Variants in SBNO2 observed in about 807,000 individuals in gnomAD.
SBNO2 encodes strawberry notch homolog 2.
In SBNO2, 89 loss-of-function variants were observed where a neutral mutation model predicts 146.3. The ratio of observed to expected loss-of-function variants is 0.61; its 90% CI spans 0.51 to 0.73. The LOEUF (loss-of-function observed/expected upper bound fraction) is 0.73, where lower values mean the gene tolerates loss of function less well. Ranked by LOEUF, SBNO2 falls within the 30% of genes least tolerant of loss-of-function variation. The pLI, the probability that SBNO2 is intolerant of heterozygous loss-of-function variation, is 0.00. For synonymous variants in SBNO2, 1,147 were observed against 892.6 expected (o/e 1.29, Z -5.08); for missense variants, 2,092 against 2,003.7 (o/e 1.04, Z -0.84).
At chr19:1,143,297 G>T (rs1227991028) in intron 4 of SBNO2, among the ~76,000 whole-genome samples, 1 of 152,134 alleles carries the variant, frequency 6.6e-6, no homozygotes, top group Non-Finnish European at 1.5e-5. Context: ...AGGCAACACA[G>T]TGAGACCTCA....
At chr19:1,125,389 G>A (rs1599843355) in intron 5 of SBNO2, among the ~76,000 whole-genome samples, 6 of 149,258 alleles carry the variant, frequency 4.0e-5, no homozygotes, top group African/African-American at 1.2e-4. Flanking sequence ...AGTGAGCGTG[G>A]GCCGGGCATG....
At chr19:1,166,231 A>ACCCCAGATCCCATACTTCAGAT (rs2080423438) in intron 1 of SBNO2, among the ~76,000 whole-genome samples, 1 of 76,534 alleles carries the variant, frequency 1.3e-5, no homozygotes, top group Non-Finnish European at 2.8e-5. Flanking sequence ...GAGATTCCAG[A>ACCCCAGATCCCATACTTCAGAT]CCCCAGATCC....
intron 4 of SBNO2, among the ~76,000 whole-genome samples, chr19:1,128,985 G>T (rs2079998495): frequency 6.9e-6 from 1 of 145,934 alleles, no homozygotes; most frequent in South Asian, 2.1e-4. Flanking sequence ...AAAAAAAATA[G>T]ACTGGGCATG....
chr19:1,121,273 C>T (rs1018737856), intron 11 of SBNO2, among the ~76,000 whole-genome samples: 6 of 152,232 alleles, frequency 3.9e-5, no homozygotes, highest in African/African-American at 7.2e-5. Flanking sequence ...ACAAATTAAA[C>T]GGCCGGCCCT....
At chr19:1,123,165 T>A (rs113125042) in intron 7 of SBNO2, 120 bp from the exon 8 acceptor site, 1 of 1,171,446 alleles carries the variant, frequency 8.5e-7, no homozygotes. Flanking sequence ...TTTGGGGGCG[T>A]GGCCAGGTCC....
Position 1,108,985 on chromosome 19 carries a change from G to A in SBNO2, c.3426-16C>T, listed in dbSNP as rs1008567583. ...GTGCCGGTTCCTGCGGACGAGACGG[G>A]TCGTCTCGGCTCAGGCGGGTCCCAG... On this transcript the variant is annotated splice_polypyrimidine_tract_variant and intron_variant, in intron 30 of 31. Transcript: ENST00000361757. 8.0e-6 allele frequency: 12 copies of A among 1,505,712 alleles called. No homozygotes were observed. Among genetic ancestry groups the A allele is most frequent in the Middle Eastern group, 4.4e-4 (2 of 4,594 alleles). 93.3% of individuals were successfully genotyped at this position (1,505,712 alleles called of 1,614,324 possible).
At chr19:1,161,879 C>G (rs958206192) in intron 1 of SBNO2, among the ~76,000 whole-genome samples, 1 of 131,038 alleles carries the variant, frequency 7.6e-6, no homozygotes, top group Non-Finnish European at 1.6e-5. Context: ...GGGTGAAAGC[C>G]GATCCACTCC....
intron 4 of SBNO2, among the ~76,000 whole-genome samples, chr19:1,142,314 G>T (rs957038996): frequency 5.0e-5 from 4 of 79,244 alleles, no homozygotes; most frequent in Non-Finnish European, 1.1e-4. Flanking sequence ...TCCCCAGGCC[G>T]TGAAGGCTCT....
At position 1,173,256 on chromosome 19, in the gene SBNO2, C is replaced by T. The variant is rs2080498857; in HGVS notation, c.-127+916G>A. Among the ~76,000 whole-genome samples, 1 of 152,112 alleles carries T rather than the reference C, an allele frequency of 6.6e-6. No individual in the cohort carries two copies. Among genetic ancestry groups the T allele is most frequent in the Admixed American group, 6.5e-5 (1 of 15,272 alleles). On this transcript the variant is annotated intron_variant, in intron 1 of 31. Coordinates refer to ENST00000361757, the MANE Select transcript of SBNO2 (RefSeq NM_014963.3). This position sits in a 1 kb window ranked among gnomAD's most constrained non-coding sequence, Gnocchi z 4.7. ...CAGGAGGCCTGCGCTTCCCCTTCAC[C>T]GACACACGCTGCTCCCGGGCCCCAC...
chr19:1,122,452 C>G lies in SBNO2; in HGVS notation c.1005+16G>C. ...GTCCCCACCTTGCCCCCTACTTTGC[C>G]GAGCACAGCCCCTACCTTGCTGAGC... On this transcript the variant is annotated intron_variant, in intron 10 of 31. Coordinates refer to ENST00000361757, the MANE Select transcript of SBNO2 (RefSeq NM_014963.3). 1 of 1,563,748 alleles carries G rather than the reference C, an allele frequency of 6.4e-7. No individual in the cohort carries two copies. Among genetic ancestry groups the G allele is most frequent in the Non-Finnish European group, 8.6e-7 (1 of 1,156,226 alleles).
At chr19:1,117,627 G>C (rs1173976201) in intron 14 of SBNO2, 128 bp from the exon 15 acceptor site, 5 of 938,176 alleles carry the variant, frequency 5.3e-6, no homozygotes, top group African/African-American at 1.7e-5. Flanking sequence ...CAGGATGGGG[G>C]TGCTGGGGGT....
chr19:1,147,880 C>T (rs909699710), intron 3 of SBNO2, among the ~76,000 whole-genome samples: 14 of 152,144 alleles, frequency 9.2e-5, no homozygotes, highest in East Asian at 1.9e-4. Flanking sequence ...GGGCTCAGGT[C>T]GGAACCCCCC....
chr19:1,161,088 GGAGGCT>G (rs2080338916), intron 1 of SBNO2, among the ~76,000 whole-genome samples: 4 of 114,614 alleles, frequency 3.5e-5, no homozygotes, highest in Admixed American at 8.9e-5. Flanking sequence ...CCTGAGCACT[GGAGGCT>G]GGAGGTGGGG....
At chr19:1,163,196 TGAG>T (rs2080366433) in intron 1 of SBNO2, among the ~76,000 whole-genome samples, 1 of 152,192 alleles carries the variant, frequency 6.6e-6, no homozygotes, top group African/African-American at 2.4e-5. Context: ...TTGGTTACAA[TGAG>T]GATGCTGGAG....
rs2079700092 is a variant in SBNO2 at position 1,108,376 on chromosome 19, C to T, written c.3945G>A (p.Val1315=). The change falls in exon 32 of 32, where the codon GTG becomes GTA. Residue 1315 remains valine, a synonymous_variant. Transcript: ENST00000361757. ...GCAGCGAGCGCAGCATGTCCTCCAGCACCTCCTTGAAGTTGATGTCGCAGC... is the reference window on the plus strand; with the variant it reads ...GCAGCGAGCGCAGCATGTCCTCCAGTACCTCCTTGAAGTTGATGTCGCAGC... ...HQGCDINFKE[V]LEDMLRSLHA... 4 of 1,291,576 alleles carry T rather than the reference C, an allele frequency of 3.1e-6. No homozygotes were observed. The highest frequency in any genetic ancestry group is 1.6e-5 in the African/African-American group (1 of 62,086). 80.0% of individuals were successfully genotyped at this position (1,291,576 alleles called of 1,614,324 possible).
chr19:1,126,523 C>T lies in SBNO2; in HGVS notation c.441+1081G>A, dbSNP rs565454333. 3.9e-4 allele frequency among the ~76,000 whole-genome samples: 60 copies of T among 152,228 alleles called. No individual in the cohort carries two copies. The South Asian group carries it at 7.9e-3, about 20-fold the overall frequency. On this transcript the variant is annotated intron_variant, in intron 5 of 31. Coordinates refer to ENST00000361757, the MANE Select transcript of SBNO2 (RefSeq NM_014963.3). This position sits in a 1 kb window ranked among gnomAD's most constrained non-coding sequence, Gnocchi z 4.4. ...TGTGCCAGAGGGACCAAGCCTGAGC[C>T]GCCCACCATGGCTGCGGGGTGCCCT...
chr19:1,108,645 C>A lies in SBNO2; in HGVS notation c.3676G>T (p.Ala1226Ser), dbSNP rs1038852162. The change falls in exon 32 of 32, where the codon GCG (alanine) becomes TCG (serine). Residue 1226 changes from alanine to serine, a missense_variant. Transcript: ENST00000361757. ...RVLQELRLMD[A>S]DVKRRQAPAL... ...GGCGCCTGCCTGCGCTTCACGTCCGCATCCATCAGCCGCAGCTCCTGCAGC... is the reference window on the plus strand; with the variant it reads ...GGCGCCTGCCTGCGCTTCACGTCCGAATCCATCAGCCGCAGCTCCTGCAGC... 1.3e-6 allele frequency: 2 copies of A among 1,511,616 alleles called. No homozygotes were observed. Among genetic ancestry groups the A allele is most frequent in the Non-Finnish European group, 1.8e-6 (2 of 1,137,734 alleles). 93.6% of individuals were successfully genotyped at this position (1,511,616 alleles called of 1,614,324 possible).
chr19:1,157,738 G>C lies in SBNO2; in HGVS notation c.-126-3336C>G, dbSNP rs1268733782. Among the ~76,000 whole-genome samples, 1 of 152,192 alleles carries C rather than the reference G, an allele frequency of 6.6e-6. No homozygotes were observed. Among genetic ancestry groups the C allele is most frequent in the African/African-American group, 2.4e-5 (1 of 41,438 alleles). ...GTGGCCCAGACAGGACAACCACTGG[G>C]AAGGCAGAACCTCAGACAGGACCAA... On this transcript the variant is annotated intron_variant, in intron 1 of 31. Coordinates refer to ENST00000361757, the MANE Select transcript of SBNO2 (RefSeq NM_014963.3). The surrounding 1 kb of genome is among the most constrained non-coding windows in gnomAD (Gnocchi z 6.8).
rs559361414 is a variant in SBNO2 at position 1,119,429 on chromosome 19, G to A, written c.1373+87C>T. ...ACCTCTGGGTGCTGGGGAAGCACAC[G>A]TGGCAGTGCCAGGCCTTGGGCTGAT... On this transcript the variant is annotated intron_variant, in intron 13 of 31. Coordinates refer to ENST00000361757, the MANE Select transcript of SBNO2 (RefSeq NM_014963.3). 4.9e-5 allele frequency: 53 copies of A among 1,078,928 alleles called. 1 individual carries two copies. In the South Asian group the frequency reaches 6.1e-4, roughly 12 times the overall value. The allele number at this position is 1,078,928 out of a possible 1,614,324, so 66.8% of individuals were successfully genotyped here.
Sources: gnomAD v4.1 joint callset for allele counts (sites outside exome capture counted in the v4.1 genomes callset) on GRCh38, gnomAD v4.1.1 for gene constraint, Gnocchi (gnomAD v3.1) non-coding constraint, MANE v1.5 for transcripts, NCBI Gene and HGNC (gene_info 2026-07-23, HGNC 2026-07-21) for gene names.